Variants in XIRP2 observed in about 807,000 individuals in gnomAD.
The protein encoded by XIRP2 is xin actin binding repeat containing 2, also known as xin actin-binding repeat-containing protein 2.
A neutral mutation model predicts 277.0 loss-of-function variants in XIRP2; 236 were observed. The observed-to-expected ratio is 0.85, with a 90% CI of 0.77 to 0.95. XIRP2 has a LOEUF of 0.95. XIRP2 is among the 40% of genes least tolerant of loss of function. The pLI is 0.00. For missense variants in XIRP2, 4,640 were observed against 4,157.5 expected, an observed-to-expected ratio of 1.12 and a Z score of -3.19; for synonymous variants, 1,490 against 1,416.5, an observed-to-expected ratio of 1.05 and a Z score of -1.17.
In XIRP2 at chr2:167,136,082, A is replaced by G. The variant is rs1691542777; in HGVS notation, c.562+20A>G. 3 of 1,579,058 alleles carry G rather than the reference A, an allele frequency of 1.9e-6. No individual in the cohort carries two copies. The highest frequency in any genetic ancestry group is 2.6e-6 in the Non-Finnish European group (3 of 1,166,154). ...TTGAAGGTTAGCATAACATTTTGATATGCTTTCTTGACATCATACCTTGTA... is the reference window on the plus strand; with the variant it reads ...TTGAAGGTTAGCATAACATTTTGATGTGCTTTCTTGACATCATACCTTGTA... On this transcript the variant is annotated intron_variant, in intron 3 of 10. Transcript: ENST00000409195.
intron 3 of XIRP2, among the ~76,000 whole-genome samples, chr2:167,178,456 G>A (rs116597118): frequency 0.012 from 1,831 of 152,168 alleles, 44 homozygotes; most frequent in African/African-American, 0.042. Flanking sequence ...GGTTTCCAAA[G>A]GCTGTTTGAC....
At chr2:166,966,393 T>G (rs973708815) in intron 2 of XIRP2, among the ~76,000 whole-genome samples, 1 of 151,858 alleles carries the variant, frequency 6.6e-6, no homozygotes, top group Non-Finnish European at 1.5e-5. Context: ...AGCTAAAATT[T>G]TTTTACATAT....
chr2:167,026,707 C>G (rs977409205), intron 2 of XIRP2, among the ~76,000 whole-genome samples: 3 of 152,120 alleles, frequency 2.0e-5, no homozygotes, highest in Non-Finnish European at 1.5e-5. Context: ...TTCTCCTTCA[C>G]ATATGAAGCT....
intron 2 of XIRP2, among the ~76,000 whole-genome samples, chr2:167,052,874 C>G (rs1413636118): frequency 6.6e-6 from 1 of 152,162 alleles, no homozygotes; most frequent in Non-Finnish European, 1.5e-5. Flanking sequence ...CTTAAAAGAA[C>G]TGATATAAAA....
At chr2:166,928,085 TC>T (rs1249751194) in intron 2 of XIRP2, among the ~76,000 whole-genome samples, 2 of 152,146 alleles carry the variant, frequency 1.3e-5, no homozygotes, top group Admixed American at 6.6e-5. Flanking sequence ...CTCAAAGAGT[TC>T]CGTCATTTTA....
At chr2:167,157,315 A>C (rs1327831199) in intron 3 of XIRP2, among the ~76,000 whole-genome samples, 1 of 152,082 alleles carries the variant, frequency 6.6e-6, no homozygotes, top group Admixed American at 6.6e-5. Context: ...TAATCAATCT[A>C]TTTATTCCAT....
intron 2 of XIRP2, among the ~76,000 whole-genome samples, chr2:166,950,690 G>C (rs758020556): frequency 5.3e-5 from 8 of 151,936 alleles, no homozygotes; most frequent in African/African-American, 1.9e-4. Context: ...TAAAATAAGA[G>C]CTTGTTGCTC....
chr2:167,147,268 G>T (rs1157844446), intron 3 of XIRP2, among the ~76,000 whole-genome samples: 1 of 152,100 alleles, frequency 6.6e-6, no homozygotes, highest in African/African-American at 2.4e-5. Flanking sequence ...TGGAGGAAAG[G>T]GTTAACTTAG....
At chr2:167,220,579 A>G (rs1694392806) in intron 5 of XIRP2, among the ~76,000 whole-genome samples, 1 of 152,190 alleles carries the variant, frequency 6.6e-6, no homozygotes, top group Admixed American at 6.5e-5. Flanking sequence ...CGTTGGCCCC[A>G]TTCTCATCCA....
intron 3 of XIRP2, among the ~76,000 whole-genome samples, chr2:167,164,561 T>C (rs183578967): frequency 2.4e-4 from 36 of 151,812 alleles, no homozygotes; most frequent in Admixed American, 1.2e-3. Flanking sequence ...ATTGACATCA[T>C]AGCAACATTA....
intron 3 of XIRP2, among the ~76,000 whole-genome samples, chr2:167,177,336 A>G (rs563089867): frequency 6.6e-6 from 1 of 152,274 alleles, no homozygotes; most frequent in African/African-American, 2.4e-5. Flanking sequence ...GTAATTCTAT[A>G]TTTATATGTA....
Position 167,246,598 on chromosome 2 carries a change from G to A in XIRP2, c.5206G>A (p.Asp1736Asn), listed in dbSNP as rs751843822. Reference sequence around the variant, plus strand: ...TAAAATATCTGAAAGGGCTAAAATTGATGCCTCTGAGAGAGGAAATGTTCA... The same window carrying A: ...TAAAATATCTGAAAGGGCTAAAATTAATGCCTCTGAGAGAGGAAATGTTCA... ...NNKISERAKI[D>N]ASERGNVQFF... Residue 1736 changes from aspartate to asparagine, a missense_variant, in exon 9 of 11, where the codon GAT becomes AAT. Transcript: ENST00000409195. 1 of 1,613,754 alleles carries A rather than the reference G, an allele frequency of 6.2e-7. No individual in the cohort carries two copies. Among genetic ancestry groups the A allele is most frequent in the Admixed American group, 1.7e-5 (1 of 59,962 alleles).
chr2:167,002,692 G>C (rs1687403869), intron 2 of XIRP2, among the ~76,000 whole-genome samples: 1 of 151,828 alleles, frequency 6.6e-6, no homozygotes. Context: ...CCTTATAGAA[G>C]TTAAATTCTT....
At chr2:166,941,507 A>G (rs1685716674) in intron 2 of XIRP2, among the ~76,000 whole-genome samples, 1 of 152,198 alleles carries the variant, frequency 6.6e-6, no homozygotes, top group Non-Finnish European at 1.5e-5. Flanking sequence ...TCAGTTGGAA[A>G]TACAGAAATC....
intron 3 of XIRP2, among the ~76,000 whole-genome samples, chr2:167,144,773 T>C (rs1691819020): frequency 6.6e-6 from 1 of 152,180 alleles, no homozygotes; most frequent in Non-Finnish European, 1.5e-5. Flanking sequence ...CCTTTTGGGA[T>C]ATGGCATCAG....
chr2:167,139,300 T>A (rs1006292985), intron 3 of XIRP2, among the ~76,000 whole-genome samples: 10 of 152,108 alleles, frequency 6.6e-5, no homozygotes, highest in Admixed American at 3.3e-4. Flanking sequence ...TGGGTCATGT[T>A]CATCAGATTT....
chr2:167,057,147 C>G (rs1377519893), intron 2 of XIRP2, among the ~76,000 whole-genome samples: 1 of 152,114 alleles, frequency 6.6e-6, no homozygotes, highest in Non-Finnish European at 1.5e-5. Context: ...TCATCATCAT[C>G]ATCATCGTCA....
chr2:166,934,397 A>T (rs979661094), intron 2 of XIRP2, among the ~76,000 whole-genome samples: 19 of 151,952 alleles, frequency 1.3e-4, no homozygotes, highest in African/African-American at 4.6e-4. Flanking sequence ...TCCCACCAAA[A>T]ACCTAAGGGA....
intron 3 of XIRP2, among the ~76,000 whole-genome samples, chr2:167,172,327 G>C (rs1251244385): frequency 6.6e-6 from 1 of 152,186 alleles, no homozygotes; most frequent in East Asian, 1.9e-4. Flanking sequence ...GGCAGGGCAA[G>C]ATCACAGGAC....
Sources: gnomAD v4.1 joint callset for allele counts (sites outside exome capture counted in the v4.1 genomes callset) on GRCh38, gnomAD v4.1.1 for gene constraint, MANE v1.5 for transcripts, NCBI Gene and HGNC (gene_info 2026-07-23, HGNC 2026-07-21) for gene names.